Variants in TMEM135 observed in about 807,000 individuals in gnomAD.
TMEM135 encodes the protein peroxisomal membrane protein 52.
Under a neutral mutation model 60.3 loss-of-function variants are expected in TMEM135, and 30 were observed. The observed-to-expected ratio is 0.50, with a 90% confidence interval of 0.37 to 0.68. The LOEUF (loss-of-function observed/expected upper bound fraction) is 0.68. TMEM135 is among the 30% of genes least tolerant of loss of function. The pLI is 0.00. For missense variants in TMEM135, 468 were observed against 548.8 expected, an observed-to-expected ratio of 0.85 and a Z score of 1.47; for synonymous variants, 190 against 186.7, an observed-to-expected ratio of 1.02 and a Z score of -0.14.
intron 4 of TMEM135, among the ~76,000 whole-genome samples, chr11:87,108,796 A>G (rs947463399): frequency 6.6e-6 from 1 of 152,186 alleles, no homozygotes; most frequent in Non-Finnish European, 1.5e-5. Flanking sequence ...AGACTTGTAT[A>G]CAAATATTCT....
intron 10 of TMEM135, among the ~76,000 whole-genome samples, chr11:87,311,311 CTTG>C (rs1942638256): frequency 6.6e-6 from 1 of 151,866 alleles, no homozygotes; most frequent in East Asian, 1.9e-4. Context: ...TAATGAATCA[CTTG>C]TTATGAAATA....
chr11:87,101,260 G>C (rs977174881), intron 4 of TMEM135, among the ~76,000 whole-genome samples: 1 of 152,124 alleles, frequency 6.6e-6, no homozygotes, highest in African/African-American at 2.4e-5. Context: ...GAGAACACTT[G>C]CTGTTAGAAT....
Position 87,302,512 on chromosome 11 carries a change from G to A in TMEM135, c.698+70G>A, listed in dbSNP as rs148815932. 430 of 1,595,490 alleles carry A rather than the reference G, an allele frequency of 2.7e-4. 2 individuals carry two copies. In the African/African-American group the frequency reaches 5.1e-3, roughly 19 times the overall value. On this transcript the variant is annotated intron_variant, in intron 8 of 14. Coordinates refer to ENST00000305494, the MANE Select transcript of TMEM135 (RefSeq NM_022918.4). Reference sequence around the variant, plus strand: ...CATATGATATTTGTACCATGCCAAGGTTATTTTTGTTTTCTATTCAGGTAA... The same window carrying A: ...CATATGATATTTGTACCATGCCAAGATTATTTTTGTTTTCTATTCAGGTAA...
chr11:87,169,128 CT>C (rs1195958671), intron 5 of TMEM135, among the ~76,000 whole-genome samples: 1 of 150,694 alleles, frequency 6.6e-6, no homozygotes, highest in Non-Finnish European at 1.5e-5. Context: ...GCAAACCTTG[CT>C]TTTTTTTGCT....
chr11:87,175,895 A>G (rs1939354303), intron 5 of TMEM135, among the ~76,000 whole-genome samples: 1 of 151,794 alleles, frequency 6.6e-6, no homozygotes, highest in South Asian at 2.1e-4. Context: ...AAACATACCA[A>G]AAGAATTTTG....
chr11:87,128,219 C>A (rs1208560636), intron 4 of TMEM135, among the ~76,000 whole-genome samples: 1 of 152,056 alleles, frequency 6.6e-6, no homozygotes, highest in African/African-American at 2.4e-5. Context: ...CCTTGATGAC[C>A]CCCTTTTTCC....
At chr11:87,223,387 G>T (rs142768058) in intron 5 of TMEM135, among the ~76,000 whole-genome samples, 1 of 151,820 alleles carries the variant, frequency 6.6e-6, no homozygotes, top group South Asian at 2.1e-4. Context: ...AGCCAGGATG[G>T]TCTCCATCTC....
At chr11:87,179,854 C>T (rs1939469828) in intron 5 of TMEM135, among the ~76,000 whole-genome samples, 1 of 152,198 alleles carries the variant, frequency 6.6e-6, no homozygotes, top group Non-Finnish European at 1.5e-5. Flanking sequence ...TTTGAGGTCT[C>T]TGAAGAGTAA....
intron 13 of TMEM135, 37 bp downstream of exon 13, chr11:87,318,272 T>C: frequency 7.2e-7 from 1 of 1,396,156 alleles, no homozygotes; most frequent in South Asian, 1.2e-5. Context: ...ATTGAATGAT[T>C]CCTGTTTCTA....
intron 3 of TMEM135, among the ~76,000 whole-genome samples, chr11:87,083,329 C>A (rs1798279558): frequency 6.6e-6 from 1 of 152,074 alleles, no homozygotes; most frequent in African/African-American, 2.4e-5. Context: ...TCTTCTTTTT[C>A]TTTTTCTAGG....
At chr11:87,177,399 T>C (rs1461236410) in intron 5 of TMEM135, among the ~76,000 whole-genome samples, 1 of 152,180 alleles carries the variant, frequency 6.6e-6, no homozygotes, top group Non-Finnish European at 1.5e-5. Context: ...ATTATGAGAA[T>C]ACAGAATGAA....
intron 6 of TMEM135, among the ~76,000 whole-genome samples, chr11:87,254,753 A>G (rs1399525911): frequency 2.6e-5 from 4 of 152,146 alleles, no homozygotes; most frequent in East Asian, 1.9e-4. Flanking sequence ...CTACTCCACA[A>G]TCCCATATTT....
chr11:87,309,852 T>C (rs1370953317), intron 10 of TMEM135, among the ~76,000 whole-genome samples, 180 bp downstream of exon 10: 1 of 152,152 alleles, frequency 6.6e-6, no homozygotes, highest in African/African-American at 2.4e-5. Flanking sequence ...TTTCTTCTTT[T>C]AAAATATTAT....
intron 4 of TMEM135, among the ~76,000 whole-genome samples, chr11:87,091,977 A>G (rs1396068899): frequency 6.6e-6 from 1 of 152,134 alleles, no homozygotes; most frequent in Non-Finnish European, 1.5e-5. Flanking sequence ...TTTTAAAAAC[A>G]TTTACATTAA....
At position 87,109,803 on chromosome 11, in the gene TMEM135, T is replaced by TC. The variant is rs1015147435; in HGVS notation, c.396+18408_396+18409insC. Among the ~76,000 whole-genome samples, 8 of 147,130 alleles carry TC rather than the reference T, an allele frequency of 5.4e-5. No individual in the cohort carries two copies. The South Asian group carries it at 1.5e-3, about 28-fold the overall frequency. On this transcript the variant is annotated intron_variant, in intron 4 of 14. Coordinates refer to ENST00000305494, the MANE Select transcript of TMEM135 (RefSeq NM_022918.4). ...GTAAATCAGCTTTTGCTAACATACT[T>TC]TGAAATAATTTAAAAGCACCAACTC... is the stretch of plus-strand genomic sequence containing the variant.
intron 5 of TMEM135, among the ~76,000 whole-genome samples, chr11:87,215,887 C>T (rs1475212163): frequency 6.6e-6 from 1 of 152,148 alleles, no homozygotes; most frequent in Non-Finnish European, 1.5e-5. Flanking sequence ...CCCTTCTATG[C>T]TGAATTTCCT....
chr11:87,237,763 C>T (rs898627696), intron 6 of TMEM135, among the ~76,000 whole-genome samples: 3 of 151,740 alleles, frequency 2.0e-5, no homozygotes, highest in African/African-American at 4.8e-5. Context: ...AATAGTAGGT[C>T]TCATTCTTTC....
intron 4 of TMEM135, among the ~76,000 whole-genome samples, chr11:87,142,711 C>T (rs1938298476): frequency 6.6e-6 from 1 of 151,394 alleles, no homozygotes; most frequent in Non-Finnish European, 1.5e-5. Flanking sequence ...TCCTTCCTCC[C>T]TTCTCCCTCC....
At chr11:87,066,727 G>GTGTTTC (rs943799531) in intron 1 of TMEM135, among the ~76,000 whole-genome samples, 1 of 150,038 alleles carries the variant, frequency 6.7e-6, no homozygotes. Flanking sequence ...GGACTTATTC[G>GTGTTTC]TGTTTCTGTG....
Sources: allele counts gnomAD v4.1 joint callset (sites outside exome capture counted in the v4.1 genomes callset), GRCh38; gene constraint gnomAD v4.1.1; transcripts MANE v1.5; gene names NCBI Gene and HGNC (gene_info 2026-07-23, HGNC 2026-07-21).